Variants in HPSE2 observed in about 807,000 individuals in gnomAD.
HPSE2 encodes inactive heparanase-2.
Under a neutral mutation model 60.5 loss-of-function variants are expected in HPSE2, and 38 were observed. The observed-to-expected ratio is 0.63, with a 90% CI of 0.48 to 0.82. The LOEUF is 0.82. Among genes scored for constraint, HPSE2 ranks in the 40% least tolerant of loss-of-function variants. The probability of loss-of-function intolerance (pLI) is 0.00; values close to 1 mark genes in which losing one functional copy is unlikely to be tolerated. For missense variants in HPSE2, 713 were observed against 740.4 expected (o/e 0.96, Z 0.43); for synonymous variants, 295 against 293.2 (o/e 1.01, Z -0.06).
chr10:98,763,560 C>G (rs1315204173), intron 3 of HPSE2, among the ~76,000 whole-genome samples: 2 of 152,004 alleles, frequency 1.3e-5, no homozygotes, highest in Non-Finnish European at 2.9e-5. Flanking sequence ...AGCTCTCAAA[C>G]ATTTTCTCTA....
chr10:98,865,515 G>A (rs1211489625), intron 3 of HPSE2, among the ~76,000 whole-genome samples: 1 of 152,026 alleles, frequency 6.6e-6, no homozygotes, highest in African/African-American at 2.4e-5. Flanking sequence ...AAGATGAAAA[G>A]GAGCTTAGTA....
intron 3 of HPSE2, among the ~76,000 whole-genome samples, chr10:98,783,403 G>A (rs837731): frequency 0.023 from 39 of 1,668 alleles, no homozygotes; most frequent in Admixed American, 0.056. Flanking sequence ...ATAAACATAC[G>A]TGTGCATGTG....
chr10:98,679,160 G>A (rs1331315419), intron 6 of HPSE2, among the ~76,000 whole-genome samples: 1 of 152,136 alleles, frequency 6.6e-6, no homozygotes, highest in Non-Finnish European at 1.5e-5. Flanking sequence ...AATACCATGT[G>A]TCTTTGAGAA....
At chr10:99,199,294 T>C (rs1848500253) in intron 2 of HPSE2, among the ~76,000 whole-genome samples, 1 of 152,138 alleles carries the variant, frequency 6.6e-6, no homozygotes, top group African/African-American at 2.4e-5. Context: ...ATTGATAGTA[T>C]AAAAGGGTTC....
intron 11 of HPSE2, among the ~76,000 whole-genome samples, chr10:98,460,374 C>T (rs1391123881): frequency 1.9e-5 from 2 of 107,478 alleles, no homozygotes; most frequent in South Asian, 5.5e-4. Flanking sequence ...TGCCTATAAT[C>T]TCAGCATTTT....
chr10:99,233,455 C>G (rs901949149), intron 1 of HPSE2, among the ~76,000 whole-genome samples: 3 of 152,166 alleles, frequency 2.0e-5, no homozygotes, highest in African/African-American at 7.2e-5. Context: ...TATTTAAGGT[C>G]AGGATTTCCA....
At chr10:99,091,783 T>A (rs1843523709) in intron 3 of HPSE2, among the ~76,000 whole-genome samples, 1 of 152,216 alleles carries the variant, frequency 6.6e-6, no homozygotes, top group South Asian at 2.1e-4. Context: ...ATGTTGTAGT[T>A]CTGCCGTATC....
chr10:98,525,773 G>A (rs955173958), intron 9 of HPSE2, among the ~76,000 whole-genome samples: 2 of 152,114 alleles, frequency 1.3e-5, no homozygotes, highest in African/African-American at 4.8e-5. Context: ...GGCTGAGACT[G>A]GCAGAAAGAC....
At chr10:98,747,880 A>T (rs969247215) in intron 3 of HPSE2, among the ~76,000 whole-genome samples, 1 of 152,184 alleles carries the variant, frequency 6.6e-6, no homozygotes. Flanking sequence ...CCTTCATAGC[A>T]TCTAACACAC....
At chr10:98,548,706 T>C (rs747763504) in intron 9 of HPSE2, among the ~76,000 whole-genome samples, 1 of 152,072 alleles carries the variant, frequency 6.6e-6, no homozygotes, top group Non-Finnish European at 1.5e-5. Flanking sequence ...CATTCCACAG[T>C]AGGAATTGCG....
intron 3 of HPSE2, among the ~76,000 whole-genome samples, chr10:99,134,210 T>C (rs894157743): frequency 3.3e-5 from 5 of 152,084 alleles, no homozygotes; most frequent in South Asian, 2.1e-4. Flanking sequence ...CCAAGAAATA[T>C]GGGACTATGT....
intron 7 of HPSE2, among the ~76,000 whole-genome samples, chr10:98,641,527 C>T (rs1946636355): frequency 6.6e-6 from 1 of 151,868 alleles, no homozygotes; most frequent in Non-Finnish European, 1.5e-5. Flanking sequence ...GCAGAGGTTG[C>T]AGTGAGCTGA....
chr10:98,771,047 T>G (rs936557255), intron 3 of HPSE2, among the ~76,000 whole-genome samples: 1 of 152,130 alleles, frequency 6.6e-6, no homozygotes, highest in Non-Finnish European at 1.5e-5. Context: ...AGAGCAGAGT[T>G]GCAGGCTACC....
intron 3 of HPSE2, among the ~76,000 whole-genome samples, chr10:98,911,340 A>G (rs1015785645): frequency 6.6e-6 from 1 of 152,206 alleles, no homozygotes; most frequent in Non-Finnish European, 1.5e-5. Context: ...GAATAGATAC[A>G]TAAATGATTA....
At chr10:99,059,724 C>T (rs1958191901) in intron 3 of HPSE2, among the ~76,000 whole-genome samples, 1 of 152,032 alleles carries the variant, frequency 6.6e-6, no homozygotes, top group African/African-American at 2.4e-5. Flanking sequence ...AAGAGCAGCA[C>T]AAAATTTATA....
chr10:98,749,473 A>G (rs1242230502), intron 3 of HPSE2, among the ~76,000 whole-genome samples: 3 of 151,352 alleles, frequency 2.0e-5, no homozygotes, highest in Non-Finnish European at 4.4e-5. Context: ...ATACATATAT[A>G]CATGCATGTA....
chr10:99,305,974 C>CGT, the HPSE2 span, among the ~76,000 whole-genome samples: 107 of 112,786 alleles, frequency 9.5e-4, 2 homozygotes, highest in African/African-American at 3.2e-3. Context: ...CGCGCGCGCG[C>CGT]GCGCGCACAC....
intron 3 of HPSE2, among the ~76,000 whole-genome samples, chr10:98,827,078 G>C (rs1384102682): frequency 6.6e-6 from 1 of 152,020 alleles, no homozygotes; most frequent in African/African-American, 2.4e-5. Flanking sequence ...TTGAGACCAG[G>C]AGTTAGAGGC....
At chr10:98,892,437 C>A (rs757616823) in intron 3 of HPSE2, among the ~76,000 whole-genome samples, 53 of 152,174 alleles carry the variant, frequency 3.5e-4, no homozygotes, top group Non-Finnish European at 6.6e-4. Flanking sequence ...TTCTACTTAA[C>A]TCAGCAAATA....
Sources: gnomAD v4.1 joint callset for allele counts (sites outside exome capture counted in the v4.1 genomes callset) on GRCh38, gnomAD v4.1.1 for gene constraint, MANE v1.5 for transcripts, NCBI Gene and HGNC (gene_info 2026-07-23, HGNC 2026-07-21) for gene names.